PCDHA11: variants seen among roughly 807,000 people sequenced by gnomAD.
The protein encoded by PCDHA11 is protocadherin alpha-11.
A neutral mutation model predicts 70.3 loss-of-function variants in PCDHA11; 61 were observed. That is an observed-to-expected ratio of 0.87 (90% CI 0.71 to 1.07). The LOEUF is 1.07. Among genes scored for constraint, PCDHA11 ranks in the 50% least tolerant of loss-of-function variants. The probability of loss-of-function intolerance (pLI) is 0.00; values close to 1 mark genes in which losing one functional copy is unlikely to be tolerated. For synonymous variants in PCDHA11, 633 were observed against 555.1 expected, an observed-to-expected ratio of 1.14 and a Z score of -1.97; for missense variants, 1,324 against 1,237.5, an observed-to-expected ratio of 1.07 and a Z score of -1.05.
Position 140,870,441 on chromosome 5 carries a change from C to T in PCDHA11, c.1338C>T (p.Asp446=). 1.2e-6 allele frequency: 2 copies of T among 1,614,224 alleles called. No homozygotes were observed. Among genetic ancestry groups the T allele is most frequent in the South Asian group, 1.1e-5 (1 of 91,090 alleles). The change falls in exon 1 of 4, where the codon GAC becomes GAT. Residue 446 remains aspartate (D), a synonymous_variant. Coordinates refer to ENST00000398640, the MANE Select transcript of PCDHA11 (RefSeq NM_018902.5). ...ATARVSVEVA[D]VNDNAPAFAQ... ...CCAGGGTATCCGTGGAGGTGGCCGA[C>T]GTGAACGACAATGCGCCTGCGTTCG... is the stretch of plus-strand genomic sequence containing the variant.
rs782371814 is a variant in PCDHA11 at position 140,882,829 on chromosome 5, G to A, written c.2391+11335G>A. On this transcript the variant is annotated intron_variant, in intron 1 of 3. Transcript: ENST00000398640. Reference sequence around the variant, plus strand: ...CTTTGGACGCACAAAACAGTCTTGAGCAAATGTCTTCATTATCACTTGTAC... The same window carrying A: ...CTTTGGACGCACAAAACAGTCTTGAACAAATGTCTTCATTATCACTTGTAC... The A allele has an allele frequency of 5.6e-6, 9 of 1,614,206 alleles. No homozygotes were observed. The South Asian group carries it at 8.8e-5, about 16-fold the overall frequency.
intron 1 of PCDHA11, chr5:140,929,409 T>G: frequency 6.6e-7 from 1 of 1,506,206 alleles, no homozygotes; most frequent in Non-Finnish European, 8.9e-7. Context: ...GACAAGCCTT[T>G]CACAACATTT....
intron 1 of PCDHA11, among the ~76,000 whole-genome samples, chr5:140,899,285 A>T (rs2067252506): frequency 6.6e-6 from 1 of 152,132 alleles, no homozygotes; most frequent in African/African-American, 2.4e-5. Context: ...CAAAGGGAAT[A>T]CTTCCAGTTT....
chr5:140,928,308 C>A, intron 1 of PCDHA11: 1 of 1,614,126 alleles, frequency 6.2e-7, no homozygotes, highest in Non-Finnish European at 8.5e-7. Flanking sequence ...CCCAGGACCC[C>A]GACCTGGGGA....
chr5:140,953,601 C>T (rs1448878513), intron 1 of PCDHA11, among the ~76,000 whole-genome samples: 3 of 152,014 alleles, frequency 2.0e-5, no homozygotes, highest in Non-Finnish European at 4.4e-5. Flanking sequence ...TTGTTTATTC[C>T]CCAGAGTCCT....
At chr5:140,915,982 G>A (rs1563009608) in intron 1 of PCDHA11, among the ~76,000 whole-genome samples, 3 of 152,230 alleles carry the variant, frequency 2.0e-5, no homozygotes, top group South Asian at 2.1e-4. Flanking sequence ...ATTTGACTAC[G>A]GCTAAGCTGG....
At chr5:140,941,523 A>T (rs1351933430) in intron 1 of PCDHA11, among the ~76,000 whole-genome samples, 1 of 151,186 alleles carries the variant, frequency 6.6e-6, no homozygotes, top group Non-Finnish European at 1.5e-5. Flanking sequence ...CACCATCTTG[A>T]CCAGGCTGGT....
In PCDHA11 at chr5:140,871,155, C is replaced by A. The variant is rs782509939; in HGVS notation, c.2052C>A (p.Gly684=). The part of the protein sequence containing the change: ...APKASSRTLA[G]AASPEAALVD... ...AGGCCTCTTCCCGGACTTTGGCGGG[C>A]GCCGCGAGCCCAGAGGCTGCGCTGG... The change falls in exon 1 of 4, where the codon GGC becomes GGA. Residue 684 remains glycine, a synonymous_variant. Transcript: ENST00000398640. 3.0e-5 allele frequency: 48 copies of A among 1,613,366 alleles called. No homozygotes were observed. Among genetic ancestry groups the A allele is most frequent in the Non-Finnish European group, 3.9e-5 (46 of 1,179,918 alleles).
At chr5:140,943,592 T>C (rs900549060) in intron 1 of PCDHA11, among the ~76,000 whole-genome samples, 2 of 152,152 alleles carry the variant, frequency 1.3e-5, no homozygotes, top group African/African-American at 2.4e-5. Flanking sequence ...TGGGGCTGAA[T>C]TCTAAATATA....
intron 1 of PCDHA11, chr5:140,968,016 A>G: frequency 6.2e-7 from 1 of 1,613,240 alleles, no homozygotes; most frequent in Non-Finnish European, 8.5e-7. Flanking sequence ...GGCTTTGGAA[A>G]CTCCTATACA....
chr5:140,910,551 T>G (rs1330218807), intron 1 of PCDHA11, among the ~76,000 whole-genome samples: 1 of 152,178 alleles, frequency 6.6e-6, no homozygotes, highest in East Asian at 1.9e-4. Flanking sequence ...TTGCAAAGTA[T>G]TAGTCAAGGA....
In PCDHA11 at chr5:140,871,378, T is replaced by C; in HGVS notation, c.2275T>C (p.Ser759Pro). The change falls in exon 1 of 4, where the codon TCT (serine) becomes CCT (proline). Residue 759 changes from serine (S) to proline (P), a missense_variant. Physicochemically the swap from Ser to Pro is moderately conservative, Grantham distance 74 (BLOSUM62 -1). Coordinates refer to ENST00000398640, the MANE Select transcript of PCDHA11 (RefSeq NM_018902.5). Reference protein sequence around the residue: ...YSQQRRQRVCSEEGPPKTDLM... With the variant: ...YSQQRRQRVCPEEGPPKTDLM... Reference sequence around the variant, plus strand: ...GCAGCAGAGGCGGCAGAGGGTGTGCTCTGAGGAGGGCCCACCTAAGACGGA... The same window carrying C: ...GCAGCAGAGGCGGCAGAGGGTGTGCCCTGAGGAGGGCCCACCTAAGACGGA... The C allele has an allele frequency of 6.2e-7, 1 of 1,614,188 alleles. No homozygotes were observed. Among genetic ancestry groups the C allele is most frequent in the South Asian group, 1.1e-5 (1 of 91,090 alleles).
At chr5:140,952,171 TG>T (rs2094700193) in intron 1 of PCDHA11, among the ~76,000 whole-genome samples, 1 of 152,084 alleles carries the variant, frequency 6.6e-6, no homozygotes, top group Non-Finnish European at 1.5e-5. Context: ...GTTCAGTTCC[TG>T]CAGCTGCTCT....
intron 1 of PCDHA11, among the ~76,000 whole-genome samples, chr5:140,904,556 T>A (rs1360933277): frequency 5.3e-5 from 8 of 151,780 alleles, no homozygotes; most frequent in Admixed American, 5.3e-4. Context: ...ATATAATGAC[T>A]TTTTTTTCCT....
intron 1 of PCDHA11, chr5:140,928,025 G>T: frequency 6.2e-7 from 1 of 1,614,148 alleles, no homozygotes; most frequent in South Asian, 1.1e-5. Flanking sequence ...GTCATTTGTG[G>T]CATGTCTAGT....
At chr5:140,929,721 ATTTACT>A (rs1474734727) in intron 1 of PCDHA11, 3 of 222,378 alleles carry the variant, frequency 1.3e-5, no homozygotes, top group African/African-American at 4.6e-5. Flanking sequence ...AAGGTGAAAC[ATTTACT>A]TAAACTATTG....
At chr5:140,941,973 C>T (rs1249999637) in intron 1 of PCDHA11, among the ~76,000 whole-genome samples, 4 of 152,068 alleles carry the variant, frequency 2.6e-5, no homozygotes, top group Admixed American at 1.3e-4. Context: ...TTTACTTTCC[C>T]TAAACCTTGA....
intron 1 of PCDHA11, among the ~76,000 whole-genome samples, chr5:140,971,488 A>AG (rs1338536132): frequency 1.3e-5 from 2 of 152,222 alleles, no homozygotes; most frequent in African/African-American, 4.8e-5. Flanking sequence ...ACATTGTTAC[A>AG]GTGTGGCAAG....
In PCDHA11 at chr5:140,997,052, G is replaced by A. The variant is rs1410360967; in HGVS notation, c.2540-12575G>A. On this transcript the variant is annotated intron_variant, in intron 3 of 3. Transcript: ENST00000398640. ...AAATTAATGAACTTTACTTTTTAGAGCAGTTTTAGGTTCACAGGAAAGTTG... is the reference window on the plus strand; with the variant it reads ...AAATTAATGAACTTTACTTTTTAGAACAGTTTTAGGTTCACAGGAAAGTTG... Among the ~76,000 whole-genome samples, 5 of 152,148 alleles carry A rather than the reference G, an allele frequency of 3.3e-5. No homozygotes were observed. The East Asian group carries it at 9.6e-4, about 29-fold the overall frequency.
Sources: gnomAD v4.1 joint callset for allele counts (sites outside exome capture counted in the v4.1 genomes callset) on GRCh38, gnomAD v4.1.1 for gene constraint, MANE v1.5 for transcripts, NCBI Gene and HGNC (gene_info 2026-07-23, HGNC 2026-07-21) for gene names.